HDAC9: variants seen among roughly 807,000 people sequenced by gnomAD.
The protein encoded by HDAC9 is histone deacetylase 9, also known as MEF-2 interacting transcription repressor (MITR) protein.
Under a neutral mutation model 139.4 loss-of-function variants are expected in HDAC9, and 41 were observed. That is an observed-to-expected ratio of 0.29 (90% CI 0.23 to 0.38). The LOEUF (loss-of-function observed/expected upper bound fraction) is 0.38, where lower values mean the gene tolerates loss of function less well. Among genes scored for constraint, HDAC9 ranks in the 10% least tolerant of loss-of-function variants. The probability of loss-of-function intolerance (pLI) is 1.00; values close to 1 mark genes in which losing one functional copy is unlikely to be tolerated. For missense variants in HDAC9, 1,147 were observed against 1,297.0 expected, an observed-to-expected ratio of 0.88 and a Z score of 1.78; for synonymous variants, 517 against 476.2, an observed-to-expected ratio of 1.09 and a Z score of -1.12.
intron 12 of HDAC9, among the ~76,000 whole-genome samples, chr7:18,721,115 A>G (rs1011565018): frequency 3.3e-5 from 5 of 152,174 alleles, no homozygotes; most frequent in Admixed American, 2.0e-4. Flanking sequence ...TGTTTTATGT[A>G]TGACAAACAT....
At chr7:18,241,680 CA>C (rs1369724076) in intron 2 of HDAC9, among the ~76,000 whole-genome samples, 2 of 152,184 alleles carry the variant, frequency 1.3e-5, no homozygotes, top group Non-Finnish European at 2.9e-5. Context: ...TCACTTGGCT[CA>C]ACCATGCCTG....
intron 12 of HDAC9, among the ~76,000 whole-genome samples, chr7:18,673,994 G>A (rs1795814919): frequency 6.6e-6 from 1 of 152,034 alleles, no homozygotes; most frequent in South Asian, 2.1e-4. Context: ...CATGCATAAT[G>A]TGTGCTGGTT....
intron 1 of HDAC9, among the ~76,000 whole-genome samples, chr7:18,346,691 A>T (rs768580866): frequency 1.2e-4 from 18 of 152,052 alleles, no homozygotes; most frequent in Non-Finnish European, 2.1e-4. Flanking sequence ...TTGCTTTTTG[A>T]TAAGGTAATG....
intron 25 of HDAC9, among the ~76,000 whole-genome samples, chr7:18,993,857 T>A (rs1367112598): frequency 6.6e-6 from 1 of 151,996 alleles, no homozygotes; most frequent in East Asian, 1.9e-4. Context: ...ATTATGCATA[T>A]GTGTAGATGG....
intron 25 of HDAC9, among the ~76,000 whole-genome samples, chr7:18,994,914 T>C (rs1165302395): frequency 6.6e-6 from 1 of 152,166 alleles, no homozygotes; most frequent in Admixed American, 6.5e-5. Context: ...AAACCACCCC[T>C]CTATTATTCC....
intron 2 of HDAC9, among the ~76,000 whole-genome samples, chr7:18,561,065 A>G (rs1820440393): frequency 6.6e-6 from 1 of 152,204 alleles, no homozygotes; most frequent in African/African-American, 2.4e-5. Context: ...AAAAGAAACA[A>G]CAACAAAAAA....
chr7:18,929,478 A>G (rs777360287), intron 22 of HDAC9, among the ~76,000 whole-genome samples: 9 of 152,092 alleles, frequency 5.9e-5, no homozygotes, highest in Non-Finnish European at 1.2e-4. Flanking sequence ...ATGATTTGTT[A>G]CAATGTAGAA....
intron 21 of HDAC9, among the ~76,000 whole-genome samples, chr7:18,851,678 A>G (rs1283974740): frequency 8.5e-5 from 13 of 152,212 alleles, no homozygotes; most frequent in African/African-American, 2.9e-4. Flanking sequence ...TTAAGAACAC[A>G]TTTGTACGAT....
In HDAC9 at chr7:18,881,566, C is replaced by T. The variant is rs542795727; in HGVS notation, c.2803+6970C>T. Among the ~76,000 whole-genome samples, 5 of 152,092 alleles carry T rather than the reference C, an allele frequency of 3.3e-5. No homozygotes were observed. The Middle Eastern group carries it at 0.01, about 310-fold the overall frequency. ...TTTACTAATGACTTTTTACTAATGA[C>T]TCTATACCTATCTTAAAATGTCCAT... On this transcript the variant is annotated intron_variant, in intron 22 of 25. Transcript: ENST00000686413.
intron 16 of HDAC9, among the ~76,000 whole-genome samples, chr7:18,771,307 T>C (rs993638385): frequency 6.6e-6 from 1 of 152,092 alleles, no homozygotes; most frequent in African/African-American, 2.4e-5. Context: ...CTTAGGAATG[T>C]CATTTTTGTG....
intron 1 of HDAC9, among the ~76,000 whole-genome samples, chr7:18,343,442 A>G (rs564315070): frequency 1.3e-5 from 2 of 151,990 alleles, no homozygotes; most frequent in Admixed American, 6.6e-5. Flanking sequence ...AATATTAGGC[A>G]TATTTCAAAT....
At chr7:18,153,050 G>C (rs1186146040) in intron 1 of HDAC9, among the ~76,000 whole-genome samples, 1 of 152,114 alleles carries the variant, frequency 6.6e-6, no homozygotes, top group South Asian at 2.1e-4. Flanking sequence ...TCTTTGGAAG[G>C]GGAGGAGGAG....
chr7:18,235,285 A>G (rs2128186392), intron 2 of HDAC9, among the ~76,000 whole-genome samples: 1 of 152,318 alleles, frequency 6.6e-6, no homozygotes, highest in African/African-American at 2.4e-5. Flanking sequence ...AGTTTACCAG[A>G]GGTATATTGG....
chr7:18,280,093 G>T (rs567003166), intron 2 of HDAC9, among the ~76,000 whole-genome samples: 1 of 152,248 alleles, frequency 6.6e-6, no homozygotes, highest in African/African-American at 2.4e-5. Context: ...CTAGGCACTG[G>T]AAATAAAATG....
In HDAC9 at chr7:19,001,856, G is replaced by A. The variant is rs1305184812; in HGVS notation, c.*5794G>A. Reference sequence around the variant, plus strand: ...AAATATCCTGATATTTTTAAATAAGGTGAGCAGGGCAGGCAGGAAACCAAT... The same window carrying A: ...AAATATCCTGATATTTTTAAATAAGATGAGCAGGGCAGGCAGGAAACCAAT... On this transcript the variant is annotated 3_prime_UTR_variant, in exon 26 of 26. Coordinates refer to ENST00000686413, the MANE Select transcript of HDAC9 (RefSeq NM_178425.4). 1 of 152,056 alleles carries A rather than the reference G, an allele frequency of 6.6e-6. No individual in the cohort carries two copies. The highest frequency in any genetic ancestry group is 1.9e-4 in the East Asian group (1 of 5,184). The allele number at this position is 152,056 out of a possible 1,614,324, so 9.4% of individuals were successfully genotyped here.
chr7:18,438,090 TTTA>T (rs1200106267), intron 1 of HDAC9, among the ~76,000 whole-genome samples: 1 of 150,202 alleles, frequency 6.7e-6, no homozygotes, highest in Non-Finnish European at 1.5e-5. Flanking sequence ...ATATAATAAA[TTTA>T]TTAGTTGGCT....
chr7:18,835,692 A>C, intron 20 of HDAC9, 106 bp downstream of exon 20: 1 of 1,441,120 alleles, frequency 6.9e-7, no homozygotes, highest in Non-Finnish European at 9.8e-7. Context: ...TTTAAATTAC[A>C]CGAGATTACT....
chr7:18,935,964 G>A (rs2129310081), intron 23 of HDAC9, 22 bp downstream of exon 23: 2 of 1,604,822 alleles, frequency 1.2e-6, no homozygotes, highest in African/African-American at 1.3e-5. Context: ...AAAGTACAAA[G>A]GGGCAGGGGT....
intron 1 of HDAC9, among the ~76,000 whole-genome samples, chr7:18,337,893 T>G (rs1781698604): frequency 6.6e-6 from 1 of 151,662 alleles, no homozygotes; most frequent in Non-Finnish European, 1.5e-5. Flanking sequence ...CTTAACTTCT[T>G]TGGACTTCAG....
Sources: gnomAD v4.1 joint callset for allele counts (sites outside exome capture counted in the v4.1 genomes callset) on GRCh38, gnomAD v4.1.1 for gene constraint, MANE v1.5 for transcripts, NCBI Gene and HGNC (gene_info 2026-07-23, HGNC 2026-07-21) for gene names.